The following SHE variants were observed in gnomAD, a reference collection of about 807,000 sequenced individuals.
SHE encodes the protein Src homology 2 domain containing E.
Under a neutral mutation model 49.8 loss-of-function variants are expected in SHE, and 11 were observed. The observed-to-expected ratio is 0.22, with a 90% CI of 0.14 to 0.37. SHE has a LOEUF of 0.37. SHE is among the 10% of genes least tolerant of loss of function. The pLI, the probability that SHE is intolerant of heterozygous loss-of-function variation, is 1.00. For synonymous variants in SHE, 310 were observed against 278.1 expected (o/e 1.11, Z -1.14); for missense variants, 624 against 655.5 (o/e 0.95, Z 0.52).
Position 154,484,089 on chromosome 1 carries a change from G to T in SHE, c.*60C>A. Reference sequence around the variant, plus strand: ...TCCAGCCTTGTCCTCTGAGATGCTGGTTGTGCGCTGATGATGCCCTTGAAG... The same window carrying T: ...TCCAGCCTTGTCCTCTGAGATGCTGTTTGTGCGCTGATGATGCCCTTGAAG... On this transcript the variant is annotated 3_prime_UTR_variant, in exon 6 of 6. Transcript: ENST00000304760. 1.3e-6 allele frequency: 2 copies of T among 1,573,396 alleles called. No homozygotes were observed. The highest frequency in any genetic ancestry group is 1.7e-6 in the Non-Finnish European group (2 of 1,155,010).
chr1:154,488,936 A>G, intron 3 of SHE, 115 bp downstream of exon 3: 1 of 1,348,656 alleles, frequency 7.4e-7, no homozygotes, highest in South Asian at 1.6e-5. Context: ...ACAGTTGCAC[A>G]TTGAGAAGAG....
In SHE at chr1:154,484,007, A is replaced by C; in HGVS notation, c.*142T>G. The stretch of plus-strand genomic sequence containing the variant: ...AGCGAGACTTCGTCTCAAACAAAAC[A>C]AAACAAATCACTCTCTGACTTTTCA... On this transcript the variant is annotated 3_prime_UTR_variant, in exon 6 of 6. Transcript: ENST00000304760. 4 of 1,435,690 alleles carry C rather than the reference A, an allele frequency of 2.8e-6. No homozygotes were observed. Among genetic ancestry groups the C allele is most frequent in the Admixed American group, 5.6e-5 (2 of 35,546 alleles). The allele number at this position is 1,435,690 out of a possible 1,614,324, so 88.9% of individuals were successfully genotyped here.
intron 2 of SHE, among the ~76,000 whole-genome samples, chr1:154,493,517 G>C (rs182910435): frequency 1.3e-5 from 2 of 152,340 alleles, no homozygotes; most frequent in African/African-American, 4.8e-5. Flanking sequence ...GAATGCAGGG[G>C]ACGGGCAGCA....
rs918717318 is a variant in SHE, at chr1:154,479,631, T to C, written c.*4518A>G. On this transcript the variant is annotated 3_prime_UTR_variant, in exon 6 of 6. Transcript: ENST00000304760. The stretch of plus-strand genomic sequence containing the variant: ...CTAAGGCACTATAGATAGACACCTA[T>C]ATTACATACAATCTTCAAACATTTT... The C allele has an allele frequency of 5.2e-6, 5 of 962,472 alleles. No homozygotes were observed. The African/African-American group carries it at 8.8e-5, about 17-fold the overall frequency. 59.6% of individuals were successfully genotyped at this position (962,472 alleles called of 1,614,324 possible). A position where few individuals can be genotyped will look rare whatever the true frequency, so the allele number is the denominator to read the frequency against.
downstream of SHE, among the ~76,000 whole-genome samples, chr1:154,479,268 A>G (rs150162693): frequency 2.6e-4 from 40 of 152,324 alleles, no homozygotes; most frequent in Non-Finnish European, 5.3e-4. Flanking sequence ...CTGTATTACT[A>G]TTTTACTTGG....
Position 154,489,342 on chromosome 1 carries a change from C to T in SHE, c.733G>A (p.Gly245Ser). 1 of 1,612,712 alleles carries T rather than the reference C, an allele frequency of 6.2e-7. No homozygotes were observed. The highest frequency in any genetic ancestry group is 8.5e-7 in the Non-Finnish European group (1 of 1,179,404). The change falls in exon 3 of 6, where the codon GGT becomes AGT. Residue 245 changes from glycine to serine, a missense_variant. Gly to Ser is a moderately conservative substitution (Grantham distance 56). Around this residue, in one of 4 missense-constraint regions of SHE, gnomAD observed 155 missense variants for 142.0 expected, o/e 1.09. Transcript: ENST00000304760. ...GCCTTCACCAGGGGATCTTTGGAACCCCGTCGTCTAATTTCTGAAAAACAC... is the reference window on the plus strand; with the variant it reads ...GCCTTCACCAGGGGATCTTTGGAACTCCGTCGTCTAATTTCTGAAAAACAC... Reference protein sequence around the residue: ...QQMITEIRRRGSKDPLVKALQ... With the variant: ...QQMITEIRRRSSKDPLVKALQ...
At chr1:154,490,892 T>C (rs1692341764) in intron 2 of SHE, among the ~76,000 whole-genome samples, 1 of 151,676 alleles carries the variant, frequency 6.6e-6, no homozygotes, top group Non-Finnish European at 1.5e-5. Context: ...CAAAAAGGTA[T>C]AGTCTGAAAT....
At chr1:154,476,732 A>C (rs1691885896), downstream of SHE, among the ~76,000 whole-genome samples, 1 of 152,002 alleles carries the variant, frequency 6.6e-6, no homozygotes, top group Non-Finnish European at 1.5e-5. Context: ...TTTATCTTTT[A>C]AGTAAAATAT....
At chr1:154,477,910 G>GA (rs1553190036), downstream of SHE, among the ~76,000 whole-genome samples, 2 of 125,880 alleles carry the variant, frequency 1.6e-5, no homozygotes, top group East Asian at 4.5e-4. Flanking sequence ...AAAAAAAAAA[G>GA]AAAGAAAAGA....
In SHE at chr1:154,483,647, G is replaced by A; in HGVS notation, c.*502C>T. 1 of 986,624 alleles carries A rather than the reference G, an allele frequency of 1.0e-6. No individual in the cohort carries two copies. Among genetic ancestry groups the A allele is most frequent in the Non-Finnish European group, 1.2e-6 (1 of 830,822 alleles). The allele number at this position is 986,624 out of a possible 1,614,324, so 61.1% of individuals were successfully genotyped here. A position where few individuals can be genotyped will look rare whatever the true frequency, so the allele number is the denominator to read the frequency against. On this transcript the variant is annotated 3_prime_UTR_variant, in exon 6 of 6. Coordinates refer to ENST00000304760, the MANE Select transcript of SHE (RefSeq NM_001010846.3). Reference sequence around the variant, plus strand: ...TGATTTCTTATTGTAGAACTACTTAGCAAGGAAACAAGGGACAGGCCACAA... The same window carrying A: ...TGATTTCTTATTGTAGAACTACTTAACAAGGAAACAAGGGACAGGCCACAA...
chr1:154,491,478 C>A (rs1441337661), intron 2 of SHE, among the ~76,000 whole-genome samples: 2 of 152,248 alleles, frequency 1.3e-5, no homozygotes, highest in Non-Finnish European at 2.9e-5. Context: ...CCGGAGAAGG[C>A]TTTCCTGCCC....
rs757383825 is a variant in SHE at position 154,483,812 on chromosome 1, C to T, written c.*337G>A. The T allele has an allele frequency of 7.0e-5, 61 of 869,248 alleles. No individual in the cohort carries two copies. The highest frequency in any genetic ancestry group is 8.1e-5 in the Non-Finnish European group (58 of 712,330). The allele number at this position is 869,248 out of a possible 1,614,324, so 53.8% of individuals were successfully genotyped here. On this transcript the variant is annotated 3_prime_UTR_variant, in exon 6 of 6. Coordinates refer to ENST00000304760, the MANE Select transcript of SHE (RefSeq NM_001010846.3). ...TTTGAGACCAGCCTGACGAAGACGG[C>T]GAAACCCCATCTCTACTAAAAATAC...
Position 154,484,299 on chromosome 1 carries a change from C to T in SHE, c.1338G>A (p.Gln446=). The T allele has an allele frequency of 6.2e-7, 1 of 1,614,170 alleles. No individual in the cohort carries two copies. Among genetic ancestry groups the T allele is most frequent in the Non-Finnish European group, 8.5e-7 (1 of 1,180,016 alleles). ...TCAGTGTGTATTTGTTGTCTTTGGT[C>T]TGAGCCACTATGATGTGGACACATC... is the stretch of plus-strand genomic sequence containing the variant. ...SQGCVHIIVA[Q]TKDNKYTLNQ... The change falls in exon 6 of 6, where the codon CAG becomes CAA. Residue 446 remains glutamine (Q), a synonymous_variant. Transcript: ENST00000304760.
chr1:154,474,863 C>T (rs570160912), downstream of SHE, among the ~76,000 whole-genome samples: 2 of 152,296 alleles, frequency 1.3e-5, no homozygotes, highest in South Asian at 2.1e-4. Context: ...AAAGGATGAA[C>T]GGTCACCACT....
At position 154,481,638 on chromosome 1, in the gene SHE, T is replaced by C. The variant is rs943055587; in HGVS notation, c.*2511A>G. The C allele has an allele frequency of 1.0e-6, 1 of 983,944 alleles. No homozygotes were observed. 61.0% of individuals were successfully genotyped at this position (983,944 alleles called of 1,614,324 possible). On this transcript the variant is annotated 3_prime_UTR_variant, in exon 6 of 6. Coordinates refer to ENST00000304760, the MANE Select transcript of SHE (RefSeq NM_001010846.3). ...ATTAGAATAACTGCTGTATTCCCTTTGTAGAATAAGGTTAAGTAAAAACGT... is the reference window on the plus strand; with the variant it reads ...ATTAGAATAACTGCTGTATTCCCTTCGTAGAATAAGGTTAAGTAAAAACGT...
In SHE at chr1:154,486,520, G is replaced by C. The variant is rs766023767; in HGVS notation, c.1181+7C>G. On this transcript the variant is annotated splice_region_variant and intron_variant, in intron 4 of 5. Transcript: ENST00000304760. ...GTCTGTTACAAGGATCTGAGGAGGAGACTCACGGCTGCTTCTCCAGGGGCA... is the reference window on the plus strand; with the variant it reads ...GTCTGTTACAAGGATCTGAGGAGGACACTCACGGCTGCTTCTCCAGGGGCA... 3.7e-6 allele frequency: 6 copies of C among 1,613,840 alleles called. No homozygotes were observed. The highest frequency in any genetic ancestry group is 5.1e-6 in the Non-Finnish European group (6 of 1,179,946).
intron 3 of SHE, among the ~76,000 whole-genome samples, chr1:154,487,341 G>A (rs1289065811): frequency 6.6e-6 from 1 of 150,774 alleles, no homozygotes; most frequent in Non-Finnish European, 1.5e-5. Flanking sequence ...CATAGTTACA[G>A]GTAATGAATC....
In SHE at chr1:154,480,874, A is replaced by C. The variant is rs1692000521; in HGVS notation, c.*3275T>G. ...TTACTCTCTCTTCTTATAGGCCTGA[A>C]ACTAACCAACTGAACTTGTCCAGTC... is the stretch of plus-strand genomic sequence containing the variant. On this transcript the variant is annotated 3_prime_UTR_variant, in exon 6 of 6. Transcript: ENST00000304760. 1 of 985,286 alleles carries C rather than the reference A, an allele frequency of 1.0e-6. No individual in the cohort carries two copies. The highest frequency in any genetic ancestry group is 1.2e-6 in the Non-Finnish European group (1 of 829,950). The allele number at this position is 985,286 out of a possible 1,614,324, so 61.0% of individuals were successfully genotyped here.
intron 1 of SHE, chr1:154,470,473 T>C (rs1691714813): frequency 9.4e-7 from 1 of 1,064,644 alleles, no homozygotes; most frequent in Non-Finnish European, 1.3e-6. Context: ...TCTGTGAGAA[T>C]TACAGGGCAG....
Sources: gnomAD v4.1 joint callset for allele counts (sites outside exome capture counted in the v4.1 genomes callset) on GRCh38, gnomAD v4.1.1 for gene constraint, gnomAD v4.1.1 regional missense constraint, MANE v1.5 for transcripts, NCBI Gene and HGNC (gene_info 2026-07-23, HGNC 2026-07-21) for gene names.